DCDC2: variants seen among roughly 807,000 people sequenced by gnomAD.
DCDC2 encodes doublecortin domain-containing protein 2.
A neutral mutation model predicts 50.2 loss-of-function variants in DCDC2; 40 were observed. That is an observed-to-expected ratio of 0.80 (90% CI 0.62 to 1.04). DCDC2 has a LOEUF of 1.04. Among genes scored for constraint, DCDC2 ranks in the 50% least tolerant of loss-of-function variants. DCDC2 has a pLI of 0.00. For synonymous variants in DCDC2, 234 were observed against 210.6 expected (o/e 1.11, Z -0.96); for missense variants, 570 against 581.9 (o/e 0.98, Z 0.21).
At chr6:24,372,173 G>T in the DCDC2 span, among the ~76,000 whole-genome samples, 49 of 152,198 alleles carry the variant, frequency 3.2e-4, no homozygotes, top group African/African-American at 1.1e-3. Context: ...TGTAATCCCA[G>T]CACTTTGGGA....
intron 2 of DCDC2, among the ~76,000 whole-genome samples, chr6:24,336,621 G>GCATTTA (rs1053232073): frequency 1.3e-5 from 2 of 152,084 alleles, no homozygotes; most frequent in African/African-American, 4.8e-5. Flanking sequence ...AGCTGACCAA[G>GCATTTA]CATTTACATT....
chr6:24,258,089 G>A (rs557226568), intron 7 of DCDC2, among the ~76,000 whole-genome samples: 7 of 152,228 alleles, frequency 4.6e-5, no homozygotes, highest in African/African-American at 1.7e-4. Flanking sequence ...GGGTTCCTTC[G>A]GGTGGGTTCG....
At chr6:24,196,170 A>G (rs1162492835) in intron 8 of DCDC2, among the ~76,000 whole-genome samples, 3 of 151,708 alleles carry the variant, frequency 2.0e-5, no homozygotes, top group South Asian at 2.1e-4. Flanking sequence ...TACCATGACT[A>G]TATTTCCTTT....
At chr6:24,243,955 G>A (rs993312713) in intron 7 of DCDC2, among the ~76,000 whole-genome samples, 2 of 152,176 alleles carry the variant, frequency 1.3e-5, no homozygotes, top group Non-Finnish European at 2.9e-5. Flanking sequence ...AATATTTCCT[G>A]CTAGTCCCAA....
intron 4 of DCDC2, among the ~76,000 whole-genome samples, chr6:24,295,428 C>T (rs1561763426): frequency 6.6e-6 from 1 of 152,144 alleles, no homozygotes; most frequent in South Asian, 2.1e-4. Context: ...TGCCTTCTCT[C>T]GCCACTCCTA....
chr6:24,349,064 AG>A (rs1412358926), intron 2 of DCDC2, among the ~76,000 whole-genome samples: 1 of 152,232 alleles, frequency 6.6e-6, no homozygotes. Context: ...TGGAAAAAAA[AG>A]AATGTCATTA....
chr6:24,276,149 G>A (rs565552869), intron 7 of DCDC2, among the ~76,000 whole-genome samples: 62 of 152,058 alleles, frequency 4.1e-4, no homozygotes, highest in African/African-American at 1.3e-3. Flanking sequence ...GATCACAAGC[G>A]TGAGCCACTG....
intron 7 of DCDC2, among the ~76,000 whole-genome samples, chr6:24,262,201 G>T (rs1287889304): frequency 6.6e-6 from 1 of 150,454 alleles, no homozygotes; most frequent in Non-Finnish European, 1.5e-5. Context: ...CAGTAATTGT[G>T]AGACTTTGCA....
chr6:24,346,931 G>A (rs1760268091), intron 2 of DCDC2, among the ~76,000 whole-genome samples: 1 of 152,044 alleles, frequency 6.6e-6, no homozygotes, highest in Non-Finnish European at 1.5e-5. Flanking sequence ...AGAAGAAGAG[G>A]TGGGCATGAG....
chr6:24,344,790 A>G (rs867616814), intron 2 of DCDC2, among the ~76,000 whole-genome samples: 2 of 152,236 alleles, frequency 1.3e-5, no homozygotes, highest in Admixed American at 6.5e-5. Flanking sequence ...GAAATATAGC[A>G]GTTGTTCTTT....
At chr6:24,187,142 C>T (rs1243435942) in intron 8 of DCDC2, among the ~76,000 whole-genome samples, 1 of 152,098 alleles carries the variant, frequency 6.6e-6, no homozygotes, top group Non-Finnish European at 1.5e-5. Flanking sequence ...TCCCAACACC[C>T]TCACTCTCCC....
intron 2 of DCDC2, among the ~76,000 whole-genome samples, chr6:24,343,978 C>T (rs1457428178): frequency 6.6e-6 from 1 of 152,124 alleles, no homozygotes; most frequent in African/African-American, 2.4e-5. Context: ...GTAGTAGGAA[C>T]ATTTAAAAAC....
Position 24,357,844 on chromosome 6 carries a change from C to A in DCDC2, c.-94G>T. On this transcript the variant is annotated 5_prime_UTR_variant, in exon 1 of 10. Transcript: ENST00000378454. ...TCACCGCACCCAGGGCGCGGGATCGCCTCCTGAAACGAACGAGAAACTGAC... is the reference window on the plus strand; with the variant it reads ...TCACCGCACCCAGGGCGCGGGATCGACTCCTGAAACGAACGAGAAACTGAC... The A allele has an allele frequency of 6.3e-7, 1 of 1,593,642 alleles. No homozygotes were observed. The highest frequency in any genetic ancestry group is 8.6e-7 in the Non-Finnish European group (1 of 1,169,216).
intron 2 of DCDC2, among the ~76,000 whole-genome samples, chr6:24,304,237 C>G (rs1763622539): frequency 6.6e-6 from 1 of 152,152 alleles, no homozygotes; most frequent in Non-Finnish European, 1.5e-5. Flanking sequence ...AATCCCAACA[C>G]TTTGGGAGGC....
At chr6:24,244,380 G>T (rs1053726362) in intron 7 of DCDC2, among the ~76,000 whole-genome samples, 1 of 152,180 alleles carries the variant, frequency 6.6e-6, no homozygotes, top group African/African-American at 2.4e-5. Context: ...GGTGGGAAAA[G>T]GACAGAAAAC....
intron 2 of DCDC2, among the ~76,000 whole-genome samples, chr6:24,311,093 A>G (rs968758958): frequency 2.0e-5 from 3 of 152,180 alleles, no homozygotes; most frequent in African/African-American, 7.2e-5. Context: ...GCAAACACCT[A>G]TAAAAGCTGC....
At chr6:24,258,675 T>C (rs1199620950) in intron 7 of DCDC2, among the ~76,000 whole-genome samples, 2 of 152,208 alleles carry the variant, frequency 1.3e-5, no homozygotes, top group African/African-American at 4.8e-5. Flanking sequence ...TCACTGGGTC[T>C]AAATTTAAAA....
chr6:24,297,633 CTT>C (rs1468968482), intron 4 of DCDC2, among the ~76,000 whole-genome samples: 1 of 151,508 alleles, frequency 6.6e-6, no homozygotes, highest in Admixed American at 6.6e-5. Context: ...CTGTATATAC[CTT>C]TGTGTCCTTT....
At chr6:24,233,148 C>A (rs974818976) in intron 7 of DCDC2, among the ~76,000 whole-genome samples, 1 of 152,164 alleles carries the variant, frequency 6.6e-6, no homozygotes, top group Non-Finnish European at 1.5e-5. Context: ...GTCCTCTTCC[C>A]AACAATATAT....
Sources: allele counts gnomAD v4.1 joint callset (sites outside exome capture counted in the v4.1 genomes callset), GRCh38; gene constraint gnomAD v4.1.1; transcripts MANE v1.5; gene names NCBI Gene and HGNC (gene_info 2026-07-23, HGNC 2026-07-21).